The following SRD5A2 variants were observed in gnomAD, a reference collection of about 807,000 sequenced individuals.
The protein encoded by SRD5A2 is steroid 5 alpha-reductase 2, also known as 3-oxo-5-alpha-steroid 4-dehydrogenase 2.
SRD5A2 carries 30 observed loss-of-function variants against 27.4 expected under a neutral mutation model. The observed-to-expected ratio is 1.10, with a 90% confidence interval of 0.82 to 1.49. The LOEUF is 1.49. SRD5A2 is among the 40% of genes most tolerant of loss of function. The pLI, the probability that SRD5A2 is intolerant of heterozygous loss-of-function variation, is 0.00. For synonymous variants in SRD5A2, 141 were observed against 133.6 expected, an observed-to-expected ratio of 1.06 and a Z score of -0.38; for missense variants, 348 against 323.4, an observed-to-expected ratio of 1.08 and a Z score of -0.58.
chr2:31,590,495 C>T, the SRD5A2 span, among the ~76,000 whole-genome samples: 1 of 152,062 alleles, frequency 6.6e-6, no homozygotes, highest in Non-Finnish European at 1.5e-5. Flanking sequence ...ATGAAAATGG[C>T]CATACTGCCC....
chr2:31,616,931 C>G, the SRD5A2 span, among the ~76,000 whole-genome samples: 6 of 152,208 alleles, frequency 3.9e-5, no homozygotes, highest in African/African-American at 1.4e-4. Flanking sequence ...TGGGAGGAAC[C>G]TGGTGGGAGA....
At chr2:31,627,396 T>C in the SRD5A2 span, among the ~76,000 whole-genome samples, 12 of 151,570 alleles carry the variant, frequency 7.9e-5, no homozygotes, top group South Asian at 2.5e-3. Flanking sequence ...AATTCTTTCA[T>C]AGAACAGCTC....
At chr2:31,590,203 G>A in the SRD5A2 span, among the ~76,000 whole-genome samples, 7 of 127,370 alleles carry the variant, frequency 5.5e-5, no homozygotes, top group African/African-American at 2.1e-4. Context: ...CCTGGCAGCT[G>A]AAAACAAAAG....
At chr2:31,583,863 C>T (rs988137457), upstream of SRD5A2, among the ~76,000 whole-genome samples, 4 of 151,930 alleles carry the variant, frequency 2.6e-5, no homozygotes, top group Non-Finnish European at 5.9e-5. Flanking sequence ...GCACACCACC[C>T]AAGACCACAT....
chr2:31,640,861 C>CAA, the SRD5A2 span, among the ~76,000 whole-genome samples: 1 of 144,076 alleles, frequency 6.9e-6, no homozygotes, highest in Non-Finnish European at 1.5e-5. Flanking sequence ...TGGTTTAAGG[C>CAA]AAAAAAAAAA....
At chr2:31,624,356 T>A in the SRD5A2 span, among the ~76,000 whole-genome samples, 1 of 152,134 alleles carries the variant, frequency 6.6e-6, no homozygotes, top group African/African-American at 2.4e-5. Context: ...CTTCTTTTTT[T>A]AATTAATTAT....
chr2:31,654,517 T>C, the SRD5A2 span, among the ~76,000 whole-genome samples: 3 of 152,284 alleles, frequency 2.0e-5, no homozygotes, highest in South Asian at 6.2e-4. Context: ...TGCATGAATT[T>C]TACGGGCTTG....
the SRD5A2 span, among the ~76,000 whole-genome samples, chr2:31,640,042 C>T: frequency 6.6e-6 from 1 of 151,772 alleles, no homozygotes; most frequent in Non-Finnish European, 1.5e-5. Context: ...TTCATTCTTT[C>T]TTCTTTTTTC....
At chr2:31,656,017 T>A in the SRD5A2 span, among the ~76,000 whole-genome samples, 1 of 152,050 alleles carries the variant, frequency 6.6e-6, no homozygotes, top group African/African-American at 2.4e-5. Flanking sequence ...TAGACAGAGG[T>A]ACAAAACTGG....
At chr2:31,609,288 G>A in the SRD5A2 span, among the ~76,000 whole-genome samples, 1 of 151,940 alleles carries the variant, frequency 6.6e-6, no homozygotes, top group Non-Finnish European at 1.5e-5. Context: ...AAACAGGAAA[G>A]TTGATATAGC....
At chr2:31,535,495 G>T (rs1666006866) in intron 1 of SRD5A2, among the ~76,000 whole-genome samples, 1 of 152,236 alleles carries the variant, frequency 6.6e-6, no homozygotes, top group Non-Finnish European at 1.5e-5. Flanking sequence ...TCTACCATCT[G>T]CTCTCCTGGC....
At chr2:31,537,391 T>A (rs1666048210) in intron 1 of SRD5A2, among the ~76,000 whole-genome samples, 8 of 152,118 alleles carry the variant, frequency 5.3e-5, no homozygotes, top group Admixed American at 4.6e-4. Flanking sequence ...CCTCCTCCCA[T>A]GGAAACAAAT....
At position 31,524,157 on chromosome 2, in the gene SRD5A2, G is replaced by C; in HGVS notation, c.*2039C>G. 1 of 224,040 alleles carries C rather than the reference G, an allele frequency of 4.5e-6. No individual in the cohort carries two copies. The highest frequency in any genetic ancestry group is 8.9e-6 in the Non-Finnish European group (1 of 112,234). 13.9% of individuals were successfully genotyped at this position (224,040 alleles called of 1,614,324 possible). On this transcript the variant is annotated 3_prime_UTR_variant, in exon 5 of 5. Transcript: ENST00000622030. Reference sequence around the variant, plus strand: ...TTTATTTCATCTCAAGGACCGGCCTGGATGTTTTACATGGTAGTAAAATAA... The same window carrying C: ...TTTATTTCATCTCAAGGACCGGCCTCGATGTTTTACATGGTAGTAAAATAA...
chr2:31,560,060 C>G (rs912202144), intron 1 of SRD5A2, among the ~76,000 whole-genome samples: 2 of 144,096 alleles, frequency 1.4e-5, no homozygotes, highest in Non-Finnish European at 3.1e-5. Context: ...ACCAATCCCC[C>G]CCCCCCCCTT....
chr2:31,534,096 A>G (rs886688068), intron 1 of SRD5A2, among the ~76,000 whole-genome samples: 2 of 152,214 alleles, frequency 1.3e-5, no homozygotes, highest in Non-Finnish European at 2.9e-5. Context: ...TCCTTAAAGA[A>G]ATGTTTCCTT....
At chr2:31,554,832 C>T (rs996659333) in intron 1 of SRD5A2, among the ~76,000 whole-genome samples, 1 of 151,710 alleles carries the variant, frequency 6.6e-6, no homozygotes, top group African/African-American at 2.4e-5. Flanking sequence ...ACAGATGGTT[C>T]TTCGGTATCA....
chr2:31,651,536 A>C, the SRD5A2 span: 18 of 195,056 alleles, frequency 9.2e-5, no homozygotes, highest in African/African-American at 4.2e-4. Flanking sequence ...AAAATTCATC[A>C]GACAAGATCA....
chr2:31,618,474 C>A, the SRD5A2 span, among the ~76,000 whole-genome samples: 1 of 152,068 alleles, frequency 6.6e-6, no homozygotes, highest in Admixed American at 6.6e-5. Context: ...TATATATACA[C>A]AATGGAATAC....
chr2:31,557,157 G>A (rs1029526887), intron 1 of SRD5A2, among the ~76,000 whole-genome samples: 1 of 152,144 alleles, frequency 6.6e-6, no homozygotes, highest in African/African-American at 2.4e-5. Flanking sequence ...CCACATCAGA[G>A]GATTACACCC....
Sources: gnomAD v4.1 joint callset for allele counts (sites outside exome capture counted in the v4.1 genomes callset) on GRCh38, gnomAD v4.1.1 for gene constraint, MANE v1.5 for transcripts, NCBI Gene and HGNC (gene_info 2026-07-23, HGNC 2026-07-21) for gene names.